ANK3: variants seen among roughly 807,000 people sequenced by gnomAD.
ANK3 encodes ankyrin 3.
A neutral mutation model predicts 370.9 loss-of-function variants in ANK3; 57 were observed. That is an observed-to-expected ratio of 0.15 (90% CI 0.12 to 0.19). ANK3 has a LOEUF of 0.19. ANK3 is among the 10% of genes least tolerant of loss of function. The pLI is 1.00. For missense variants in ANK3, 4,439 were observed against 5,302.1 expected, an observed-to-expected ratio of 0.84 and a Z score of 5.06; for synonymous variants, 1,929 against 1,946.3, an observed-to-expected ratio of 0.99 and a Z score of 0.23.
At chr10:60,550,311 G>T (rs545100635) in intron 2 of ANK3, among the ~76,000 whole-genome samples, 12 of 151,986 alleles carry the variant, frequency 7.9e-5, no homozygotes, top group Middle Eastern at 6.8e-3. Context: ...GCAGCTTTTA[G>T]ATTCCTTTCC....
chr10:60,035,821 C>T (rs148205573), intron 43 of ANK3, among the ~76,000 whole-genome samples: 2,673 of 150,832 alleles, frequency 0.018, 44 homozygotes, highest in Non-Finnish European at 0.028. Context: ...GAAACCCCAT[C>T]GCTACTAAAA....
At chr10:60,572,179 C>T (rs555802124) in intron 2 of ANK3, among the ~76,000 whole-genome samples, 23 of 152,206 alleles carry the variant, frequency 1.5e-4, no homozygotes, top group African/African-American at 5.3e-4. Context: ...ATAATTAGGA[C>T]GTGTTTACTT....
Position 60,389,521 on chromosome 10 carries a change from T to A in ANK3, c.18A>T (p.Ser6=). The A allele has an allele frequency of 6.2e-7, 1 of 1,613,952 alleles. No homozygotes were observed. Among genetic ancestry groups the A allele is most frequent in the South Asian group, 1.1e-5 (1 of 91,054 alleles). MAHAA[S]QLKKNRDLEI... Reference sequence around the variant, plus strand: ...CTAAATCCCTGTTTTTCTTTAATTGTGAGGCTGCATGAGCCATAATGCATT... The same window carrying A: ...CTAAATCCCTGTTTTTCTTTAATTGAGAGGCTGCATGAGCCATAATGCATT... Residue 6 remains serine (S), a synonymous_variant, in exon 1 of 44, where the codon TCA becomes TCT. Coordinates refer to ENST00000280772, the MANE Select transcript of ANK3 (RefSeq NM_020987.5).
At chr10:60,198,155 A>C (rs887734386) in intron 14 of ANK3, among the ~76,000 whole-genome samples, 185 bp downstream of exon 14, 27 of 151,932 alleles carry the variant, frequency 1.8e-4, no homozygotes, top group African/African-American at 6.3e-4. Flanking sequence ...AAGGCAAAAA[A>C]CCCCCCACAA....
rs142292803 is a variant in ANK3, at chr10:60,556,166, C to G, written c.96+59020G>C. ...TCTACTAGAAAATGATAATTACATACTATTTGAGCCATGGTTAAGTTAACC... is the reference window on the plus strand; with the variant it reads ...TCTACTAGAAAATGATAATTACATAGTATTTGAGCCATGGTTAAGTTAACC... On this transcript the variant is annotated intron_variant, in intron 2 of 43. Coordinates refer to the ANK3 transcript ENST00000373827. Among the ~76,000 whole-genome samples, 6 of 152,302 alleles carry G rather than the reference C, an allele frequency of 3.9e-5. No individual in the cohort carries two copies. The East Asian group carries it at 9.6e-4, about 24-fold the overall frequency.
chr10:60,304,468 C>A (rs4948258), intron 1 of ANK3, among the ~76,000 whole-genome samples: 93,767 of 151,442 alleles, frequency 0.62, 29,206 homozygotes, highest in South Asian at 0.79. Flanking sequence ...CATAGCGAAA[C>A]CCTGTCTCTA....
chr10:60,053,038 T>C (rs1455332158), intron 42 of ANK3, among the ~76,000 whole-genome samples: 1 of 152,200 alleles, frequency 6.6e-6, no homozygotes, highest in Non-Finnish European at 1.5e-5. Flanking sequence ...AATAATATGG[T>C]TTTAAAAGAA....
Position 60,177,666 on chromosome 10 carries a change from C to T in ANK3, c.2184+3663G>A, listed in dbSNP as rs550582969. ...AGGCTGGAGTGCAGTGGTGCGACCTCGGCTCACTGCGAGCTCTGCTTCCTG... is the reference window on the plus strand; with the variant it reads ...AGGCTGGAGTGCAGTGGTGCGACCTTGGCTCACTGCGAGCTCTGCTTCCTG... On this transcript the variant is annotated intron_variant, in intron 18 of 43. Transcript: ENST00000280772. Among the ~76,000 whole-genome samples, 24 of 142,582 alleles carry T rather than the reference C, an allele frequency of 1.7e-4. No homozygotes were observed. The East Asian group carries it at 4.5e-3, about 26-fold the overall frequency. The allele number at this position is 142,582 out of a possible 152,430, so 93.5% of individuals were successfully genotyped here. A position where few individuals can be genotyped will look rare whatever the true frequency, so the allele number is the denominator to read the frequency against.
chr10:60,274,414 C>T (rs747598225), intron 4 of ANK3, among the ~76,000 whole-genome samples: 2 of 152,206 alleles, frequency 1.3e-5, no homozygotes, highest in Non-Finnish European at 2.9e-5. Flanking sequence ...AGTGCCCACA[C>T]ACCCATTTCC....
intron 2 of ANK3, among the ~76,000 whole-genome samples, chr10:60,606,982 G>C (rs1411372227): frequency 6.6e-6 from 1 of 152,180 alleles, no homozygotes; most frequent in East Asian, 1.9e-4. Context: ...TTGAGTTCAA[G>C]TCTTATCTCA....
chr10:60,516,990 T>C (rs966693462), intron 2 of ANK3, among the ~76,000 whole-genome samples: 2 of 152,122 alleles, frequency 1.3e-5, no homozygotes, highest in African/African-American at 4.8e-5. Flanking sequence ...GGAGCTGCTC[T>C]GGCTTTGAAT....
chr10:60,376,061 G>A (rs1459079483), intron 1 of ANK3, among the ~76,000 whole-genome samples: 1 of 152,120 alleles, frequency 6.6e-6, no homozygotes, highest in African/African-American at 2.4e-5. Flanking sequence ...GGCTCAGAGA[G>A]CTTAAGTAAC....
intron 5 of ANK3, among the ~76,000 whole-genome samples, chr10:60,266,593 T>C (rs935737597): frequency 1.3e-5 from 2 of 152,132 alleles, no homozygotes; most frequent in African/African-American, 2.4e-5. Flanking sequence ...ACAGGACCTA[T>C]ACATAAAGGA....
chr10:60,568,868 C>T (rs1256299448), intron 2 of ANK3, among the ~76,000 whole-genome samples: 1 of 152,096 alleles, frequency 6.6e-6, no homozygotes, highest in African/African-American at 2.4e-5. Flanking sequence ...CAAAAGATGC[C>T]TCTCCTTCCA....
intron 1 of ANK3, among the ~76,000 whole-genome samples, chr10:60,376,748 A>G (rs1003311749): frequency 4.6e-5 from 7 of 152,234 alleles, no homozygotes; most frequent in Non-Finnish European, 5.9e-5. Context: ...GATGAGGCAC[A>G]CTCAATATCT....
At chr10:60,382,828 C>T (rs899825265) in intron 1 of ANK3, among the ~76,000 whole-genome samples, 2 of 113,932 alleles carry the variant, frequency 1.8e-5, no homozygotes, top group Non-Finnish European at 3.9e-5. Context: ...TATATATATG[C>T]CAATGCTTTT....
At chr10:60,042,942 C>A in intron 42 of ANK3, 183 bp from the exon 43 acceptor site, 1 of 1,388,544 alleles carries the variant, frequency 7.2e-7, no homozygotes, top group Non-Finnish European at 9.3e-7. Context: ...ATCAAGCAAG[C>A]TAGAGAGCAC....
intron 7 of ANK3, among the ~76,000 whole-genome samples, chr10:60,236,411 G>A (rs954998268): frequency 1.9e-4 from 28 of 150,332 alleles, no homozygotes; most frequent in Non-Finnish European, 3.5e-4. Flanking sequence ...ATTGCATTAG[G>A]TTGAGTCCTT....
intron 1 of ANK3, among the ~76,000 whole-genome samples, chr10:60,728,378 G>A (rs546512777): frequency 4.8e-4 from 73 of 152,246 alleles, no homozygotes; most frequent in African/African-American, 1.3e-3. Flanking sequence ...GCCATCAATC[G>A]TAGGGAGCAC....
Sources: gnomAD v4.1 joint callset for allele counts (sites outside exome capture counted in the v4.1 genomes callset) on GRCh38, gnomAD v4.1.1 for gene constraint, MANE v1.5 for transcripts, NCBI Gene and HGNC (gene_info 2026-07-23, HGNC 2026-07-21) for gene names.